DNAH6: variants seen among roughly 807,000 people sequenced by gnomAD.
DNAH6 encodes dynein axonemal heavy chain 6.
DNAH6 carries 340 observed loss-of-function variants against 491.4 expected under a neutral mutation model. The ratio of observed to expected loss-of-function variants is 0.69; its 90% CI spans 0.63 to 0.76. The LOEUF (loss-of-function observed/expected upper bound fraction) is 0.76, where lower values mean the gene tolerates loss of function less well. DNAH6 is among the 30% of genes least tolerant of loss of function. The probability of loss-of-function intolerance (pLI) is 0.00; values close to 1 mark genes in which losing one functional copy is unlikely to be tolerated. For missense variants in DNAH6, 4,443 were observed against 4,972.2 expected (o/e 0.89, Z 3.20); for synonymous variants, 1,603 against 1,686.1 (o/e 0.95, Z 1.21).
At chr2:84,710,447 C>G (rs1236239877) in intron 56 of DNAH6, 35 bp downstream of exon 56, 2 of 1,548,084 alleles carry the variant, frequency 1.3e-6, no homozygotes, top group East Asian at 4.9e-5. Flanking sequence ...ATGTCAGTTC[C>G]CAACTTTCAA....
intron 29 of DNAH6, among the ~76,000 whole-genome samples, chr2:84,628,066 A>G (rs961645766): frequency 6.6e-6 from 1 of 152,142 alleles, no homozygotes; most frequent in African/African-American, 2.4e-5. Context: ...GCAAGGTCAC[A>G]TTTCAACTTT....
chr2:84,593,837 G>T (rs1684333612), intron 16 of DNAH6, 135 bp from the exon 17 acceptor site: 2 of 375,108 alleles, frequency 5.3e-6, no homozygotes, highest in Non-Finnish European at 4.7e-6. Flanking sequence ...TGTTTCTAGT[G>T]CTCCTTTTCT....
At chr2:84,555,173 TTAATC>T (rs1298041680) in intron 10 of DNAH6, among the ~76,000 whole-genome samples, 3 of 152,230 alleles carry the variant, frequency 2.0e-5, no homozygotes, top group Admixed American at 6.5e-5. Flanking sequence ...CACATAGAGA[TTAATC>T]TAAAGGAAAA....
chr2:84,473,331 C>A, the DNAH6 span, among the ~76,000 whole-genome samples: 1 of 152,162 alleles, frequency 6.6e-6, no homozygotes, highest in African/African-American at 2.4e-5. Context: ...TCTTGCTTGT[C>A]CTACTAGCAC....
chr2:84,594,151 T>C, intron 17 of DNAH6, 66 bp downstream of exon 17: 1 of 891,734 alleles, frequency 1.1e-6, no homozygotes. Context: ...ATTCTAATAA[T>C]TTGAATTATA....
chr2:84,460,247 G>A, the DNAH6 span, among the ~76,000 whole-genome samples: 1 of 152,202 alleles, frequency 6.6e-6, no homozygotes, highest in African/African-American at 2.4e-5. Flanking sequence ...CCAGGAGATT[G>A]CCCAATACTT....
chr2:84,641,587 G>A (rs761036753), intron 32 of DNAH6, among the ~76,000 whole-genome samples: 32 of 152,138 alleles, frequency 2.1e-4, no homozygotes, highest in Admixed American at 7.2e-4. Flanking sequence ...GCTGGGTTTC[G>A]CAGGGGAAAT....
At chr2:84,761,789 TACAC>T (rs35707461) in intron 63 of DNAH6, among the ~76,000 whole-genome samples, 172 of 141,868 alleles carry the variant, frequency 1.2e-3, no homozygotes, top group African/African-American at 2.1e-3. Flanking sequence ...CACACACACA[TACAC>T]ACACACACAC....
intron 59 of DNAH6, among the ~76,000 whole-genome samples, chr2:84,721,910 G>C (rs965566236): frequency 1.2e-4 from 18 of 152,162 alleles, no homozygotes; most frequent in African/African-American, 4.1e-4. Flanking sequence ...AAAAACAGTG[G>C]GGGAAGAGAG....
At chr2:84,562,379 T>A (rs1680770332) in intron 11 of DNAH6, among the ~76,000 whole-genome samples, 1 of 152,112 alleles carries the variant, frequency 6.6e-6, no homozygotes, top group Non-Finnish European at 1.5e-5. Flanking sequence ...AGAAAAAGAT[T>A]TTCAGTTTGG....
intron 14 of DNAH6, 35 bp downstream of exon 14, chr2:84,579,714 G>A (rs1682822237): frequency 1.3e-6 from 2 of 1,503,270 alleles, no homozygotes; most frequent in South Asian, 1.3e-5. Flanking sequence ...CAATATTCCA[G>A]ATCTTATAGT....
At chr2:84,539,712 A>G (rs1678054634) in intron 4 of DNAH6, among the ~76,000 whole-genome samples, 2 of 152,192 alleles carry the variant, frequency 1.3e-5, no homozygotes, top group South Asian at 2.1e-4. Context: ...TGCTCTTCCA[A>G]GGACCATACA....
Position 84,694,457 on chromosome 2 carries a change from G to C in DNAH6, c.7501G>C (p.Val2501Leu), listed in dbSNP as rs1695186531. The C allele has an allele frequency of 6.4e-7, 1 of 1,551,708 alleles. No homozygotes were observed. The highest frequency in any genetic ancestry group is 8.7e-7 in the Non-Finnish European group (1 of 1,146,986). Reference sequence around the variant, plus strand: ...GGCTGGTGTAGAAGACAAGAATATGGTTTTCCTTTTCACTGACACCCAGGT... The same window carrying C: ...GGCTGGTGTAGAAGACAAGAATATGCTTTTCCTTTTCACTGACACCCAGGT... ...KMAGVEDKNM[V>L]FLFTDTQIVV... Residue 2501 changes from valine (V) to leucine (L), a missense_variant, in exon 46 of 77, where the codon GTT (valine) becomes CTT (leucine). Val to Leu is a conservative substitution (Grantham distance 32). This residue lies in a region of DNAH6 where 2,977 missense variants were observed against 3,296.6 expected (regional missense o/e 0.90). Transcript: ENST00000389394.
At chr2:84,511,721 T>C (rs899074180), upstream of DNAH6, among the ~76,000 whole-genome samples, 1 of 152,258 alleles carries the variant, frequency 6.6e-6, no homozygotes, top group Admixed American at 6.5e-5. Flanking sequence ...GTTTTTATAA[T>C]GAAAGAGTGA....
chr2:84,781,082 T>C (rs1168362387), intron 64 of DNAH6, among the ~76,000 whole-genome samples: 2 of 152,222 alleles, frequency 1.3e-5, no homozygotes, highest in Non-Finnish European at 2.9e-5. Context: ...TATGTATTTT[T>C]CTGTATATGT....
At chr2:84,789,334 G>C (rs1300684639) in intron 68 of DNAH6, among the ~76,000 whole-genome samples, 1 of 152,180 alleles carries the variant, frequency 6.6e-6, no homozygotes, top group Non-Finnish European at 1.5e-5. Context: ...AATTAAAGTT[G>C]AGCAAACTTT....
chr2:84,700,578 A>G (rs972433028), intron 48 of DNAH6, among the ~76,000 whole-genome samples: 1 of 152,248 alleles, frequency 6.6e-6, no homozygotes, highest in Non-Finnish European at 1.5e-5. Context: ...GCTAATTATC[A>G]AAAATTTAAA....
intron 18 of DNAH6, among the ~76,000 whole-genome samples, chr2:84,601,981 G>C (rs1685287578): frequency 6.6e-6 from 1 of 151,874 alleles, no homozygotes; most frequent in Non-Finnish European, 1.5e-5. Flanking sequence ...TATTTCACAT[G>C]TACTGTAAAG....
At chr2:84,495,922 A>G in the DNAH6 span, among the ~76,000 whole-genome samples, 5 of 152,184 alleles carry the variant, frequency 3.3e-5, no homozygotes, top group Admixed American at 3.3e-4. Context: ...GCACACAAAC[A>G]TGAATACAAT....
Sources: gnomAD v4.1 joint callset for allele counts (sites outside exome capture counted in the v4.1 genomes callset) on GRCh38, gnomAD v4.1.1 for gene constraint, gnomAD v4.1.1 regional missense constraint, MANE v1.5 for transcripts, NCBI Gene and HGNC (gene_info 2026-07-23, HGNC 2026-07-21) for gene names.